GLIS3: variants seen among roughly 807,000 people sequenced by gnomAD.
GLIS3 encodes the protein zinc finger protein GLIS3.
A neutral mutation model predicts 78.6 loss-of-function variants in GLIS3; 53 were observed. The ratio of observed to expected loss-of-function variants is 0.67; its 90% CI spans 0.54 to 0.85. The LOEUF is 0.85. Among genes scored for constraint, GLIS3 ranks in the 40% least tolerant of loss-of-function variants. GLIS3 has a pLI of 0.00. For synonymous variants in GLIS3, 684 were observed against 509.9 expected, an observed-to-expected ratio of 1.34 and a Z score of -4.60; for missense variants, 1,703 against 1,231.1, an observed-to-expected ratio of 1.38 and a Z score of -5.74.
intron 4 of GLIS3, among the ~76,000 whole-genome samples, chr9:3,948,567 C>A (rs530840423): frequency 1.3e-5 from 2 of 152,118 alleles, no homozygotes; most frequent in African/African-American, 4.8e-5. Flanking sequence ...ACACCTTCCA[C>A]CCCCTCTCTC....
chr9:4,245,517 GA>G (rs1475530616), intron 2 of GLIS3, among the ~76,000 whole-genome samples: 12 of 152,228 alleles, frequency 7.9e-5, no homozygotes, highest in Non-Finnish European at 1.5e-4. Context: ...AAGGCAATTT[GA>G]AAAATGCGAA....
intron 9 of GLIS3, among the ~76,000 whole-genome samples, chr9:3,838,174 A>G (rs774016631): frequency 2.5e-4 from 38 of 152,220 alleles, no homozygotes; most frequent in Non-Finnish European, 4.6e-4. Flanking sequence ...TTTGTTAATT[A>G]TTGTATCCAT....
intron 2 of GLIS3, among the ~76,000 whole-genome samples, chr9:4,229,070 T>C (rs2131358119): frequency 6.6e-6 from 1 of 152,272 alleles, no homozygotes; most frequent in African/African-American, 2.4e-5. Flanking sequence ...AATTAGTTGT[T>C]AGGTGTAAAA....
At chr9:4,351,421 G>T (rs567852625), upstream of GLIS3, among the ~76,000 whole-genome samples, 13 of 149,624 alleles carry the variant, frequency 8.7e-5, 1 homozygote, top group East Asian at 1.4e-3. Context: ...AAAAGGGAGG[G>T]TGAGGAGAAA....
At chr9:4,066,330 G>A (rs867742810) in intron 4 of GLIS3, among the ~76,000 whole-genome samples, 2 of 152,036 alleles carry the variant, frequency 1.3e-5, no homozygotes, top group Non-Finnish European at 1.5e-5. Flanking sequence ...GGGAGGCACC[G>A]TGGGTGGGAA....
chr9:4,055,201 G>A (rs764589624), intron 4 of GLIS3, among the ~76,000 whole-genome samples: 16 of 152,162 alleles, frequency 1.1e-4, no homozygotes, highest in Non-Finnish European at 2.1e-4. Context: ...TGTCATTCTT[G>A]ACATCAATAG....
rs183302781 is a variant in GLIS3, at chr9:4,078,611, G to A, written c.1710+39157C>T. ...AAAGGAAGCCAAGAGATCTTTGCCA[G>A]CCAGGCAGGGTAAAGCGGTGGAGAA... is the stretch of plus-strand genomic sequence containing the variant. On this transcript the variant is annotated intron_variant, in intron 4 of 10. Coordinates refer to ENST00000381971, the MANE Select transcript of GLIS3 (RefSeq NM_001042413.2). Among the ~76,000 whole-genome samples the A allele has an allele frequency of 1.9e-3, 297 of 152,326 alleles. 1 individual carries two copies. Among genetic ancestry groups the A allele is most frequent in the African/African-American group, 6.9e-3 (285 of 41,574 alleles).
At chr9:3,988,402 C>G (rs1400862068) in intron 4 of GLIS3, among the ~76,000 whole-genome samples, 1 of 152,018 alleles carries the variant, frequency 6.6e-6, no homozygotes, top group African/African-American at 2.4e-5. Flanking sequence ...AGTTATAATA[C>G]CACTTGATAC....
chr9:3,901,823 A>ATGTT (rs1823327237), intron 6 of GLIS3, among the ~76,000 whole-genome samples: 1 of 152,178 alleles, frequency 6.6e-6, no homozygotes. Context: ...TTTGGAAGGT[A>ATGTT]TGTTTGTTAT....
At chr9:4,340,306 A>AG (rs1817816237) in intron 2 of GLIS3, among the ~76,000 whole-genome samples, 1 of 150,824 alleles carries the variant, frequency 6.6e-6, no homozygotes, top group Middle Eastern at 3.2e-3. Flanking sequence ...AAAAAAAAAA[A>AG]AGTATGTCAT....
intron 4 of GLIS3, among the ~76,000 whole-genome samples, chr9:3,957,401 G>A (rs1347171377): frequency 2.6e-5 from 4 of 152,210 alleles, no homozygotes. Context: ...ATGTGGCAGT[G>A]AGGAGAAGGC....
intron 4 of GLIS3, chr9:4,070,828 C>A (rs937433833): frequency 6.6e-6 from 1 of 152,164 alleles, no homozygotes; most frequent in Non-Finnish European, 1.5e-5. Context: ...ATGCTTTTTA[C>A]AGTTCTTTTA....
chr9:4,266,063 C>T (rs1353451708), intron 2 of GLIS3, among the ~76,000 whole-genome samples: 1 of 151,994 alleles, frequency 6.6e-6, no homozygotes, highest in African/African-American at 2.4e-5. Context: ...GGACTACAGG[C>T]ACCCGCCACC....
the GLIS3 span, among the ~76,000 whole-genome samples, chr9:4,362,922 G>A: frequency 1.3e-5 from 2 of 152,134 alleles, no homozygotes; most frequent in Admixed American, 6.5e-5. Context: ...GGAGGAAGGA[G>A]AGAGATGAAG....
At chr9:3,925,090 T>G (rs1315230049) in intron 6 of GLIS3, among the ~76,000 whole-genome samples, 1 of 152,218 alleles carries the variant, frequency 6.6e-6, no homozygotes, top group Admixed American at 6.5e-5. Flanking sequence ...TCAGGGGGAA[T>G]AGAAATAAAA....
chr9:3,880,449 G>C (rs570301855), intron 7 of GLIS3, among the ~76,000 whole-genome samples: 8 of 152,336 alleles, frequency 5.3e-5, no homozygotes, highest in Admixed American at 5.2e-4. Flanking sequence ...CTACTCCGTA[G>C]ACATCTCATT....
intron 2 of GLIS3, among the ~76,000 whole-genome samples, chr9:4,148,236 T>C (rs1311776641): frequency 6.6e-6 from 1 of 152,176 alleles, no homozygotes; most frequent in Non-Finnish European, 1.5e-5. Flanking sequence ...TGATTCTAGA[T>C]GAGATCTGGC....
chr9:3,991,784 G>A (rs1035150856), intron 4 of GLIS3, among the ~76,000 whole-genome samples: 55 of 148,370 alleles, frequency 3.7e-4, no homozygotes, highest in Admixed American at 8.2e-4. Context: ...TCCGCCTCCC[G>A]GCTTCATGCC....
intron 8 of GLIS3, among the ~76,000 whole-genome samples, chr9:3,860,840 G>T (rs577621526): frequency 6.6e-6 from 1 of 152,308 alleles, no homozygotes; most frequent in African/African-American, 2.4e-5. Context: ...GTGTGGCATT[G>T]TTCTAAGCAC....
Sources: gnomAD v4.1 joint callset for allele counts (sites outside exome capture counted in the v4.1 genomes callset) on GRCh38, gnomAD v4.1.1 for gene constraint, MANE v1.5 for transcripts, NCBI Gene and HGNC (gene_info 2026-07-23, HGNC 2026-07-21) for gene names.